The following PTPRO variants were observed in gnomAD, a reference collection of about 807,000 sequenced individuals.
PTPRO encodes the protein protein tyrosine phosphatase receptor type O, also known as receptor-type tyrosine-protein phosphatase O.
A neutral mutation model predicts 145.2 loss-of-function variants in PTPRO; 62 were observed. The ratio of observed to expected loss-of-function variants is 0.43; its 90% CI spans 0.35 to 0.53. The LOEUF (loss-of-function observed/expected upper bound fraction) is 0.53, where lower values mean the gene tolerates loss of function less well. Among genes scored for constraint, PTPRO ranks in the 20% least tolerant of loss-of-function variants. The probability of loss-of-function intolerance (pLI) is 0.01; values close to 1 mark genes in which losing one functional copy is unlikely to be tolerated. For missense variants in PTPRO, 1,345 were observed against 1,482.7 expected, an observed-to-expected ratio of 0.91 and a Z score of 1.53; for synonymous variants, 565 against 514.7, an observed-to-expected ratio of 1.10 and a Z score of -1.32.
At chr12:15,474,302 T>C (rs1555167171) in intron 1 of PTPRO, among the ~76,000 whole-genome samples, 1 of 152,212 alleles carries the variant, frequency 6.6e-6, no homozygotes, top group Non-Finnish European at 1.5e-5. Context: ...TCCTGTGTTA[T>C]TCTCCTCTTT....
In PTPRO at chr12:15,565,625, C is replaced by T; in HGVS notation, c.2744C>T (p.Thr915Ile). ...SKNGLKKRKL[T>I]NPVQLDDFDA... Reference sequence around the variant, plus strand: ...AATGGTTTAAAGAAGAGGAAACTGACAAAGTAAGTTTTTCTTACTATGTCA... The same window carrying T: ...AATGGTTTAAAGAAGAGGAAACTGATAAAGTAAGTTTTTCTTACTATGTCA... The change falls in exon 18 of 27, where the codon ACA (threonine) becomes ATA (isoleucine). Residue 915 changes from threonine to isoleucine, a missense_variant. Coordinates refer to ENST00000281171, the MANE Select transcript of PTPRO (RefSeq NM_030667.3). 6.9e-7 allele frequency: 1 copy of T among 1,449,818 alleles called. No homozygotes were observed. The highest frequency in any genetic ancestry group is 9.7e-7 in the Non-Finnish European group (1 of 1,035,226). 89.8% of individuals were successfully genotyped at this position (1,449,818 alleles called of 1,614,324 possible).
chr12:15,354,830 A>G (rs1196731779), intron 1 of PTPRO, among the ~76,000 whole-genome samples: 2 of 152,238 alleles, frequency 1.3e-5, no homozygotes, highest in African/African-American at 4.8e-5. Context: ...AACCAAGCAA[A>G]TGAGTTTGAT....
intron 1 of PTPRO, among the ~76,000 whole-genome samples, chr12:15,480,843 C>T (rs751557310): frequency 4.2e-4 from 64 of 152,282 alleles, no homozygotes; most frequent in Non-Finnish European, 7.6e-4. Flanking sequence ...ATAAAAATAA[C>T]TCATTCTGTG....
chr12:15,512,948 C>T (rs962151094), intron 7 of PTPRO, among the ~76,000 whole-genome samples: 2 of 151,184 alleles, frequency 1.3e-5, no homozygotes, highest in Non-Finnish European at 2.9e-5. Context: ...GAGCCAAGAT[C>T]GTGCCACTGC....
intron 1 of PTPRO, among the ~76,000 whole-genome samples, chr12:15,437,707 A>G (rs1940637529): frequency 6.6e-6 from 1 of 152,184 alleles, no homozygotes; most frequent in South Asian, 2.1e-4. Context: ...AGGCATCTGA[A>G]GCACCCACTC....
chr12:15,559,832 C>T (rs1432830280), intron 16 of PTPRO, among the ~76,000 whole-genome samples: 1 of 152,052 alleles, frequency 6.6e-6, no homozygotes. Flanking sequence ...TAGGCTTAAG[C>T]ATAGGAAGAA....
chr12:15,574,625 C>G (rs542169271), intron 19 of PTPRO, among the ~76,000 whole-genome samples: 1 of 152,304 alleles, frequency 6.6e-6, no homozygotes, highest in East Asian at 1.9e-4. Flanking sequence ...TTTCTCCTCA[C>G]TTTTTCCACC....
At chr12:15,439,137 A>C (rs1373636164) in intron 1 of PTPRO, among the ~76,000 whole-genome samples, 1 of 152,230 alleles carries the variant, frequency 6.6e-6, no homozygotes, top group African/African-American at 2.4e-5. Context: ...ATTCTTAAAG[A>C]AAAGAAATTC....
At chr12:15,329,109 G>A (rs117683006) in intron 1 of PTPRO, among the ~76,000 whole-genome samples, 1,860 of 152,242 alleles carry the variant, frequency 0.012, 16 homozygotes, top group South Asian at 0.019. Flanking sequence ...GAGGAAAGGC[G>A]TCATATGACT....
intron 1 of PTPRO, among the ~76,000 whole-genome samples, chr12:15,415,534 G>GC (rs1591791864): frequency 6.6e-6 from 1 of 151,852 alleles, no homozygotes; most frequent in Non-Finnish European, 1.5e-5. Flanking sequence ...ACAGGCACCT[G>GC]CCACCACACC....
intron 1 of PTPRO, among the ~76,000 whole-genome samples, chr12:15,388,918 T>A (rs548415061): frequency 6.6e-6 from 1 of 152,102 alleles, no homozygotes; most frequent in African/African-American, 2.4e-5. Flanking sequence ...TTTTTCTCCA[T>A]TCTAGAAAAA....
chr12:15,527,268 G>T (rs1392402296), intron 12 of PTPRO, among the ~76,000 whole-genome samples: 1 of 152,172 alleles, frequency 6.6e-6, no homozygotes, highest in Admixed American at 6.5e-5. Context: ...CGCCTCCCCC[G>T]CGATTCTGCC....
intron 1 of PTPRO, among the ~76,000 whole-genome samples, chr12:15,415,534 G>A (rs1386057418): frequency 2.6e-5 from 4 of 151,968 alleles, no homozygotes; most frequent in Non-Finnish European, 5.9e-5. Flanking sequence ...ACAGGCACCT[G>A]CCACCACACC....
chr12:15,402,044 T>C (rs1404384284), intron 1 of PTPRO, among the ~76,000 whole-genome samples: 1 of 152,162 alleles, frequency 6.6e-6, no homozygotes, highest in Admixed American at 6.6e-5. Flanking sequence ...ATGTAGGGCA[T>C]GAAAGGAGGC....
At chr12:15,572,688 G>A (rs1278682975) in intron 19 of PTPRO, among the ~76,000 whole-genome samples, 1 of 152,042 alleles carries the variant, frequency 6.6e-6, no homozygotes, top group Non-Finnish European at 1.5e-5. Context: ...TACAGAAGTT[G>A]TGTATTTAAA....
At chr12:15,378,733 A>C (rs894350306) in intron 1 of PTPRO, among the ~76,000 whole-genome samples, 2 of 152,122 alleles carry the variant, frequency 1.3e-5, no homozygotes, top group African/African-American at 4.8e-5. Flanking sequence ...ACCAAAACCA[A>C]ATAAAGATAC....
At chr12:15,536,102 T>A (rs953646772) in intron 12 of PTPRO, among the ~76,000 whole-genome samples, 1 of 152,238 alleles carries the variant, frequency 6.6e-6, no homozygotes, top group African/African-American at 2.4e-5. Context: ...TAGCATTTAC[T>A]ATATGCCACA....
At chr12:15,409,006 A>C (rs1939722821) in intron 1 of PTPRO, among the ~76,000 whole-genome samples, 1 of 152,176 alleles carries the variant, frequency 6.6e-6, no homozygotes. Context: ...AAAGTTGAGA[A>C]TAATTATATT....
chr12:15,581,108 A>G (rs2135645557), intron 22 of PTPRO, among the ~76,000 whole-genome samples: 1 of 152,132 alleles, frequency 6.6e-6, no homozygotes, highest in East Asian at 1.9e-4. Flanking sequence ...AGCACTAGTA[A>G]AGTTTTGGGG....
Sources: allele counts gnomAD v4.1 joint callset (sites outside exome capture counted in the v4.1 genomes callset), GRCh38; gene constraint gnomAD v4.1.1; transcripts MANE v1.5; gene names NCBI Gene and HGNC (gene_info 2026-07-23, HGNC 2026-07-21).